The following CD8B2 variants were observed in gnomAD, a reference collection of about 807,000 sequenced individuals.
CD8B2 encodes CD8B family member 2, also known as T-cell surface glycoprotein CD8 beta-2 chain.
In CD8B2, 11 loss-of-function variants were observed where a neutral mutation model predicts 23.7. The ratio of observed to expected loss-of-function variants is 0.46; its 90% CI spans 0.29 to 0.77. CD8B2 has a LOEUF of 0.77. CD8B2 is among the 30% of genes least tolerant of loss of function. The pLI, the probability that CD8B2 is intolerant of heterozygous loss-of-function variation, is 0.09. For synonymous variants in CD8B2, 90 were observed against 109.3 expected (o/e 0.82, Z 1.10); for missense variants, 197 against 270.5 (o/e 0.73, Z 1.91).
chr2:106,492,953 C>T (rs1384105383), intron 2 of CD8B2, among the ~76,000 whole-genome samples: 2 of 152,128 alleles, frequency 1.3e-5, no homozygotes, highest in East Asian at 1.9e-4. Flanking sequence ...AAGCCCCACA[C>T]CTTTCCACTC....
At chr2:106,530,970 C>A (rs907757161) in intron 5 of CD8B2, among the ~76,000 whole-genome samples, 2 of 152,072 alleles carry the variant, frequency 1.3e-5, no homozygotes, top group African/African-American at 4.8e-5. Flanking sequence ...AGCATATAAT[C>A]AAGAAATAAC....
At chr2:106,542,221 G>A (rs931979673) in intron 5 of CD8B2, among the ~76,000 whole-genome samples, 2 of 152,154 alleles carry the variant, frequency 1.3e-5, no homozygotes, top group African/African-American at 4.8e-5. Context: ...AGCATTTTGC[G>A]CATCCCTCTG....
At chr2:106,490,752 G>A in intron 1 of CD8B2, 122 bp from the exon 2 acceptor site, 2 of 1,503,446 alleles carry the variant, frequency 1.3e-6, no homozygotes, top group East Asian at 2.3e-5. Context: ...ACACTCCCTG[G>A]ACCCAGTAAC....
intron 5 of CD8B2, among the ~76,000 whole-genome samples, chr2:106,525,274 G>A (rs1409503719): frequency 6.6e-6 from 1 of 152,048 alleles, no homozygotes; most frequent in African/African-American, 2.4e-5. Context: ...ACCTGATCTA[G>A]GCCAGAACTC....
chr2:106,496,412 G>C, intron 3 of CD8B2, 150 bp downstream of exon 3: 7 of 1,268,802 alleles, frequency 5.5e-6, no homozygotes, highest in Non-Finnish European at 7.6e-6. Flanking sequence ...AGGATGCTGA[G>C]TGTGATAGCA....
chr2:106,543,919 A>G, intron 5 of CD8B2: 1 of 398,386 alleles, frequency 2.5e-6, no homozygotes, highest in Non-Finnish European at 4.4e-6. Flanking sequence ...AAGTTTTGTG[A>G]TGTACATTGC....
chr2:106,516,673 C>A (rs1037385031), intron 5 of CD8B2, among the ~76,000 whole-genome samples: 2 of 152,112 alleles, frequency 1.3e-5, no homozygotes, highest in Non-Finnish European at 2.9e-5. Context: ...AGAGCTCTTT[C>A]GTAAGCCTTT....
Position 106,489,001 on chromosome 2 carries a change from T to C in CD8B2, c.43+1532T>C, listed in dbSNP as rs531484876. Among the ~76,000 whole-genome samples, 32 of 151,620 alleles carry C rather than the reference T, an allele frequency of 2.1e-4. No individual in the cohort carries two copies. The South Asian group carries it at 6.7e-3, about 32-fold the overall frequency. Reference sequence around the variant, plus strand: ...TTGTTTTTATTTTTATTTTTATTTTTTAATAATTTTTTCTTTTCCAAGACG... The same window carrying C: ...TTGTTTTTATTTTTATTTTTATTTTCTAATAATTTTTTCTTTTCCAAGACG... On this transcript the variant is annotated intron_variant, in intron 1 of 5. Coordinates refer to ENST00000643224, the MANE Select transcript of CD8B2 (RefSeq NM_001349727.2).
downstream of CD8B2, among the ~76,000 whole-genome samples, chr2:106,514,572 C>A (rs1344948322): frequency 1.3e-5 from 2 of 151,898 alleles, no homozygotes; most frequent in African/African-American, 4.8e-5. Context: ...CAGGCGTGAG[C>A]CACTGTGCCC....
chr2:106,519,062 TCATCCATCCATC>T (rs142808385), intron 5 of CD8B2, among the ~76,000 whole-genome samples: 4 of 151,892 alleles, frequency 2.6e-5, no homozygotes, highest in East Asian at 1.9e-4. Context: ...CACTGCTCCA[TCATCCATCCATC>T]CATCCATCCA....
chr2:106,501,745 A>G (rs1679411827), intron 3 of CD8B2, among the ~76,000 whole-genome samples: 1 of 152,196 alleles, frequency 6.6e-6, no homozygotes, highest in Non-Finnish European at 1.5e-5. Context: ...ATAGGCATGG[A>G]AAGAGAAAGT....
rs971417190 is a variant in CD8B2 at position 106,491,172 on chromosome 2, C to T, written c.342C>T (p.Tyr114=). 20 of 1,613,778 alleles carry T rather than the reference C, an allele frequency of 1.2e-5. No individual in the cohort carries two copies. The highest frequency in any genetic ancestry group is 1.6e-5 in the Non-Finnish European group (19 of 1,179,766). ...TSVKPEDSGI[Y]FCMIVGSPEL... ...TGAAGCCGGAGGACAGTGGCATCTA[C>T]TTCTGCATGATCGTCGGGAGCCCCG... The change falls in exon 2 of 6, where the codon TAC becomes TAT. Residue 114 remains tyrosine, a synonymous_variant. Coordinates refer to ENST00000643224, the MANE Select transcript of CD8B2 (RefSeq NM_001349727.2).
At chr2:106,539,201 G>T (rs566445369) in intron 5 of CD8B2, among the ~76,000 whole-genome samples, 29 of 152,270 alleles carry the variant, frequency 1.9e-4, no homozygotes, top group African/African-American at 6.7e-4. Flanking sequence ...AGCACTCGGG[G>T]CCCATGTGTG....
chr2:106,501,752 A>C (rs1177264962), intron 3 of CD8B2, among the ~76,000 whole-genome samples: 4 of 152,332 alleles, frequency 2.6e-5, no homozygotes, highest in East Asian at 3.9e-4. Flanking sequence ...TGGAAAGAGA[A>C]AGTTACTAAA....
chr2:106,509,002 T>C lies in CD8B2; in HGVS notation c.*2062T>C, dbSNP rs1679569718. On this transcript the variant is annotated 3_prime_UTR_variant, in exon 6 of 6. Transcript: ENST00000643224. ...AAGTCAGCACAAATTGGCCTCAGAT[T>C]CCCTGCCCCCAGACGTAGGTGTTTC... 6.6e-6 allele frequency: 1 copy of C among 151,568 alleles called. No individual in the cohort carries two copies. Among genetic ancestry groups the C allele is most frequent in the Non-Finnish European group, 1.5e-5 (1 of 67,958 alleles). 9.4% of individuals were successfully genotyped at this position (151,568 alleles called of 1,614,324 possible).
Position 106,490,861 on chromosome 2 carries a change from T to C in CD8B2, c.44-13T>C. ...GGAAAATGTGCGATGTCTCTGTTCT[T>C]GGCTTTTCCTAGTTCTCCATGGCAA... On this transcript the variant is annotated splice_polypyrimidine_tract_variant and intron_variant, in intron 1 of 5. Transcript: ENST00000643224. 1.9e-6 allele frequency: 3 copies of C among 1,560,494 alleles called. No individual in the cohort carries two copies. The highest frequency in any genetic ancestry group is 2.6e-6 in the Non-Finnish European group (3 of 1,152,184).
chr2:106,533,400 C>T (rs1360803667), intron 5 of CD8B2, among the ~76,000 whole-genome samples: 1 of 152,162 alleles, frequency 6.6e-6, no homozygotes, highest in Non-Finnish European at 1.5e-5. Flanking sequence ...ATATTAAAAG[C>T]AGTTGAGTTC....
intron 5 of CD8B2, among the ~76,000 whole-genome samples, chr2:106,523,470 A>G (rs1558884381): frequency 6.6e-6 from 1 of 152,066 alleles, no homozygotes; most frequent in Non-Finnish European, 1.5e-5. Flanking sequence ...CCGTAGAAGG[A>G]AGGGAAGGTT....
In CD8B2 at chr2:106,496,364, T is replaced by C; in HGVS notation, c.493+102T>C. The stretch of plus-strand genomic sequence containing the variant: ...CCCCAGGCACTTTCCAAGTGTCAAC[T>C]CTAGAGCCTATCTCCCCAGCCCAAG... On this transcript the variant is annotated intron_variant, in intron 3 of 5. Coordinates refer to ENST00000643224, the MANE Select transcript of CD8B2 (RefSeq NM_001349727.2). The C allele has an allele frequency of 2.8e-6, 4 of 1,412,340 alleles. No homozygotes were observed. In the East Asian group the frequency reaches 7.9e-5, roughly 28 times the overall value. 87.5% of individuals were successfully genotyped at this position (1,412,340 alleles called of 1,614,324 possible).
Sources: gnomAD v4.1 joint callset for allele counts (sites outside exome capture counted in the v4.1 genomes callset) on GRCh38, gnomAD v4.1.1 for gene constraint, MANE v1.5 for transcripts, NCBI Gene and HGNC (gene_info 2026-07-23, HGNC 2026-07-21) for gene names.